PLSCR1: variants seen among roughly 807,000 people sequenced by gnomAD.
The protein encoded by PLSCR1 is PL scramblase 1.
Under a neutral mutation model 37.8 loss-of-function variants are expected in PLSCR1, and 17 were observed. That is an observed-to-expected ratio of 0.45 (90% CI 0.31 to 0.68). PLSCR1 has a LOEUF of 0.68. Among genes scored for constraint, PLSCR1 ranks in the 30% least tolerant of loss-of-function variants. The pLI is 0.06. For synonymous variants in PLSCR1, 116 were observed against 125.9 expected, an observed-to-expected ratio of 0.92 and a Z score of 0.53; for missense variants, 347 against 380.9, an observed-to-expected ratio of 0.91 and a Z score of 0.74.
At chr3:146,538,948 TC>T (rs1215043855) in intron 1 of PLSCR1, among the ~76,000 whole-genome samples, 2 of 152,134 alleles carry the variant, frequency 1.3e-5, no homozygotes, top group African/African-American at 4.8e-5. Context: ...TAAACAGTGG[TC>T]CCCAACCTTT....
intron 2 of PLSCR1, among the ~76,000 whole-genome samples, chr3:146,534,875 CAAAT>C (rs964315992): frequency 3.6e-4 from 54 of 151,884 alleles, no homozygotes; most frequent in African/African-American, 6.3e-4. Context: ...GACTCCATCT[CAAAT>C]AAATAAATAA....
chr3:146,521,754 G>T (rs765958845), intron 6 of PLSCR1, 49 bp from the exon 7 acceptor site: 31 of 1,580,616 alleles, frequency 2.0e-5, no homozygotes, highest in Non-Finnish European at 2.5e-5. Context: ...TAATGCCTAG[G>T]TTCGATGAAA....
At position 146,518,660 on chromosome 3, in the gene PLSCR1, G is replaced by T. The variant is rs538626964; in HGVS notation, c.739-1493C>A. Reference sequence around the variant, plus strand: ...GTAAACTCAACACTATACAGATAAAGATATTAACATTTGCCCTTTTTGATT... The same window carrying T: ...GTAAACTCAACACTATACAGATAAATATATTAACATTTGCCCTTTTTGATT... On this transcript the variant is annotated intron_variant, in intron 7 of 8. Coordinates refer to ENST00000342435, the MANE Select transcript of PLSCR1 (RefSeq NM_021105.3). Among the ~76,000 whole-genome samples, 33 of 152,196 alleles carry T rather than the reference G, an allele frequency of 2.2e-4. 1 individual carries two copies. The highest frequency in any genetic ancestry group is 6.5e-4 in the African/African-American group (27 of 41,538).
chr3:146,528,216 C>T (rs557984773), intron 4 of PLSCR1: 92 of 174,970 alleles, frequency 5.3e-4, no homozygotes, highest in Non-Finnish European at 7.5e-4. Flanking sequence ...AGTCTTGACT[C>T]TTTAGGTTCT....
chr3:146,529,814 T>C (rs1299605822), intron 3 of PLSCR1, among the ~76,000 whole-genome samples: 1 of 152,086 alleles, frequency 6.6e-6, no homozygotes, highest in African/African-American at 2.4e-5. Context: ...CGCCCATTCG[T>C]TTAGTACACG....
chr3:146,538,987 G>A (rs66639703), intron 1 of PLSCR1, among the ~76,000 whole-genome samples: 22,116 of 152,182 alleles, frequency 0.15, 1,791 homozygotes, highest in Non-Finnish European at 0.16. Context: ...TTTTGTGGAA[G>A]ACATGGACCA....
intron 1 of PLSCR1, among the ~76,000 whole-genome samples, chr3:146,542,892 A>T (rs2044354919): frequency 6.6e-6 from 1 of 152,184 alleles, no homozygotes; most frequent in Non-Finnish European, 1.5e-5. Context: ...CCTAGACACT[A>T]GGGGAGACAG....
chr3:146,522,079 A>G (rs1225257065), intron 5 of PLSCR1, 26 bp from the exon 6 acceptor site: 1 of 1,205,970 alleles, frequency 8.3e-7, no homozygotes, highest in Admixed American at 1.7e-5. Context: ...ACGAAATCAT[A>G]ATCACCTCTA....
chr3:146,519,122 GT>G (rs2043984536), intron 7 of PLSCR1, among the ~76,000 whole-genome samples: 1 of 152,002 alleles, frequency 6.6e-6, no homozygotes, highest in Non-Finnish European at 1.5e-5. Flanking sequence ...CAATTTTCAT[GT>G]AAAAAAACTA....
chr3:146,524,500 ACTTT>A (rs540812011), intron 5 of PLSCR1, among the ~76,000 whole-genome samples: 184 of 152,078 alleles, frequency 1.2e-3, no homozygotes, highest in African/African-American at 4.3e-3. Context: ...TAGATTTGGA[ACTTT>A]CTATTTCATA....
rs777282855 is a variant in PLSCR1 at position 146,528,663 on chromosome 3, G to A, written c.263C>T (p.Ala88Val). Residue 88 changes from alanine (A) to valine (V), a missense_variant, in exon 4 of 9, where the codon GCG becomes GTG. Transcript: ENST00000342435. ...VGAAGVPWMPAPQPPLNCPPG... is the reference protein window; with the variant it reads ...VGAAGVPWMPVPQPPLNCPPG... The stretch of plus-strand genomic sequence containing the variant: ...TGGACAGTTTAATGGAGGCTGTGGC[G>A]CTGGCATCCATGGTACCCCTGCAGC... The A allele has an allele frequency of 1.5e-5, 25 of 1,614,036 alleles. No individual in the cohort carries two copies. In the Middle Eastern group the frequency reaches 9.9e-4, roughly 64 times the overall value.
intron 5 of PLSCR1, among the ~76,000 whole-genome samples, chr3:146,524,783 C>A (rs1425677894): frequency 6.6e-6 from 1 of 152,028 alleles, no homozygotes; most frequent in Non-Finnish European, 1.5e-5. Flanking sequence ...ATATTTTAGC[C>A]AAATCCATTA....
chr3:146,544,577 A>G lies in PLSCR1; in HGVS notation c.-124T>C, dbSNP rs2044382261. The stretch of plus-strand genomic sequence containing the variant: ...GACTGCCGGGCACAGCTGCTGCGCA[A>G]CCTTCTCAGAAGTCAGCCGGAAAAG... On this transcript the variant is annotated 5_prime_UTR_variant, in exon 1 of 9. Coordinates refer to ENST00000342435, the MANE Select transcript of PLSCR1 (RefSeq NM_021105.3). 1 of 152,374 alleles carries G rather than the reference A, an allele frequency of 6.6e-6. No individual in the cohort carries two copies. Among genetic ancestry groups the G allele is most frequent in the Non-Finnish European group, 1.5e-5 (1 of 68,184 alleles). 9.4% of individuals were successfully genotyped at this position (152,374 alleles called of 1,614,324 possible). A position where few individuals can be genotyped will look rare whatever the true frequency, so the allele number is the denominator to read the frequency against.
At chr3:146,525,675 T>C (rs2044098634) in intron 4 of PLSCR1, 28 bp from the exon 5 acceptor site, 2 of 1,161,230 alleles carry the variant, frequency 1.7e-6, no homozygotes, top group South Asian at 1.4e-5. Context: ...ATAAGTGGTA[T>C]GTATATGTCA....
chr3:146,528,866 C>A (rs1159893176), intron 3 of PLSCR1, 35 bp from the exon 4 acceptor site: 1 of 1,509,750 alleles, frequency 6.6e-7, no homozygotes, highest in Non-Finnish European at 9.1e-7. Flanking sequence ...TTTGTAACTG[C>A]ACCAAAAATG....
At chr3:146,540,113 T>G (rs2044319539) in intron 1 of PLSCR1, among the ~76,000 whole-genome samples, 1 of 152,220 alleles carries the variant, frequency 6.6e-6, no homozygotes. Flanking sequence ...CATTTTAAAT[T>G]TCAGAAATAC....
At chr3:146,520,460 A>C (rs575758399) in intron 7 of PLSCR1, among the ~76,000 whole-genome samples, 12 of 152,164 alleles carry the variant, frequency 7.9e-5, no homozygotes, top group Non-Finnish European at 1.6e-4. Flanking sequence ...ATACCCTTAC[A>C]TAAAATTTTT....
intron 3 of PLSCR1, among the ~76,000 whole-genome samples, chr3:146,530,781 A>G (rs1357084681): frequency 6.6e-6 from 1 of 152,206 alleles, no homozygotes; most frequent in Admixed American, 6.5e-5. Context: ...AGGAGGCCTT[A>G]GTAAGGAGTC....
Position 146,544,491 on chromosome 3 carries a change from C to T in PLSCR1, c.-38G>A, listed in dbSNP as rs915420013. The T allele has an allele frequency of 6.6e-6, 1 of 152,328 alleles. No homozygotes were observed. Among genetic ancestry groups the T allele is most frequent in the African/African-American group, 2.4e-5 (1 of 41,472 alleles). 9.4% of individuals were successfully genotyped at this position (152,328 alleles called of 1,614,324 possible). A position where few individuals can be genotyped will look rare whatever the true frequency, so the allele number is the denominator to read the frequency against. On this transcript the variant is annotated 5_prime_UTR_variant, in exon 1 of 9. Transcript: ENST00000342435. ...CCTCTGGCTGCCGCTGTTTCCGCTC[C>T]CGAGCGAGACAAGGTCCAGAGAGCC...
Sources: gnomAD v4.1 joint callset for allele counts (sites outside exome capture counted in the v4.1 genomes callset) on GRCh38, gnomAD v4.1.1 for gene constraint, MANE v1.5 for transcripts, NCBI Gene and HGNC (gene_info 2026-07-23, HGNC 2026-07-21) for gene names.